TCEANC2: variants seen among roughly 807,000 people sequenced by gnomAD.
TCEANC2 encodes the protein transcription elongation factor A N-terminal and central domain-containing protein 2.
A neutral mutation model predicts 22.8 loss-of-function variants in TCEANC2; 20 were observed. That is an observed-to-expected ratio of 0.88 (90% CI 0.62 to 1.28). The LOEUF (loss-of-function observed/expected upper bound fraction) is 1.28, where lower values mean the gene tolerates loss of function less well. TCEANC2 is among the 50% of genes most tolerant of loss of function. The probability of loss-of-function intolerance (pLI) is 0.00; values close to 1 mark genes in which losing one functional copy is unlikely to be tolerated. For missense variants in TCEANC2, 251 were observed against 249.7 expected (o/e 1.01, Z -0.03); for synonymous variants, 84 against 95.5 (o/e 0.88, Z 0.70).
chr1:54,059,255 C>T (rs745761152), intron 2 of TCEANC2, among the ~76,000 whole-genome samples: 29 of 151,360 alleles, frequency 1.9e-4, no homozygotes, highest in Non-Finnish European at 3.1e-4. Context: ...TGAGTTCAAG[C>T]GATTCTCCTG....
rs1251769403 is a variant in TCEANC2 at position 54,102,708 on chromosome 1, C to T, written c.*6235C>T. 1 of 152,212 alleles carries T rather than the reference C, an allele frequency of 6.6e-6. No homozygotes were observed. The highest frequency in any genetic ancestry group is 1.5e-5 in the Non-Finnish European group (1 of 68,104). The allele number at this position is 152,212 out of a possible 1,614,324, so 9.4% of individuals were successfully genotyped here. A position where few individuals can be genotyped will look rare whatever the true frequency, so the allele number is the denominator to read the frequency against. On this transcript the variant is annotated 3_prime_UTR_variant, in exon 5 of 5. Transcript: ENST00000234827. The stretch of plus-strand genomic sequence containing the variant: ...CACACCTTTGGCTGCCTGGGGAGCT[C>T]TTTATAATATCCAGCTGATAGAAGA...
Position 54,090,172 on chromosome 1 carries a change from C to G in TCEANC2, c.438+1382C>G, listed in dbSNP as rs961892962. On this transcript the variant is annotated intron_variant, in intron 4 of 4. Coordinates refer to ENST00000234827, the MANE Select transcript of TCEANC2 (RefSeq NM_153035.3). The stretch of plus-strand genomic sequence containing the variant: ...TGATGCCAAGTTAAAGCACTGTGTA[C>G]CCATTAAGATATGGCATTATTGAAG... 11 of 331,468 alleles carry G rather than the reference C, an allele frequency of 3.3e-5. No individual in the cohort carries two copies. In the Admixed American group the frequency reaches 4.3e-4, roughly 13 times the overall value. 20.5% of individuals were successfully genotyped at this position (331,468 alleles called of 1,614,324 possible).
chr1:54,066,543 C>G (rs1657958910), intron 2 of TCEANC2, among the ~76,000 whole-genome samples: 1 of 152,032 alleles, frequency 6.6e-6, no homozygotes, highest in South Asian at 2.1e-4. Flanking sequence ...TTCATTGAAA[C>G]AATGTTTGTA....
chr1:54,068,168 G>A (rs1657992096), intron 2 of TCEANC2, among the ~76,000 whole-genome samples: 1 of 152,114 alleles, frequency 6.6e-6, no homozygotes, highest in African/African-American at 2.4e-5. Flanking sequence ...TTGATGCAGG[G>A]TACAAAGGTA....
chr1:54,083,314 A>G (rs570500859), intron 3 of TCEANC2, among the ~76,000 whole-genome samples: 2 of 152,186 alleles, frequency 1.3e-5, no homozygotes, highest in African/African-American at 2.4e-5. Flanking sequence ...TACTCAGGGA[A>G]GGCAAGTGGA....
chr1:54,088,650 G>A lies in TCEANC2; in HGVS notation c.298G>A (p.Ala100Thr). 3.7e-6 allele frequency: 6 copies of A among 1,608,354 alleles called. No individual in the cohort carries two copies. Among genetic ancestry groups the A allele is most frequent in the Non-Finnish European group, 5.1e-6 (6 of 1,178,308 alleles). Reference sequence around the variant, plus strand: ...CTCAGATTCAGAAGTGGCTTCTCTTGCCAGAGAAGTTTACACTGAGTGGAA... The same window carrying A: ...CTCAGATTCAGAAGTGGCTTCTCTTACCAGAGAAGTTTACACTGAGTGGAA... ...KHSDSEVASL[A>T]REVYTEWKTF... is the part of the protein sequence containing the mutation. Residue 100 changes from alanine to threonine, a missense_variant, in exon 4 of 5, where the codon GCC (alanine) becomes ACC (threonine). Physicochemically the swap from Ala to Thr is moderately conservative, Grantham distance 58. Transcript: ENST00000234827.
chr1:54,065,742 C>T (rs1053339181), intron 2 of TCEANC2, among the ~76,000 whole-genome samples: 2 of 150,784 alleles, frequency 1.3e-5, no homozygotes, highest in South Asian at 4.2e-4. Context: ...AGGGTAAACA[C>T]TCAAATCATA....
intron 2 of TCEANC2, among the ~76,000 whole-genome samples, chr1:54,063,887 T>C (rs1643154501): frequency 6.6e-6 from 1 of 152,204 alleles, no homozygotes; most frequent in Admixed American, 6.5e-5. Context: ...TTAAAAATAC[T>C]TTTGACCTAT....
intron 3 of TCEANC2, among the ~76,000 whole-genome samples, chr1:54,078,878 G>A (rs1044901788): frequency 6.6e-6 from 1 of 152,172 alleles, no homozygotes. Context: ...GGCGGTACAT[G>A]GACATGCAGG....
At chr1:54,077,931 A>G (rs1012257691) in intron 3 of TCEANC2, among the ~76,000 whole-genome samples, 1 of 152,132 alleles carries the variant, frequency 6.6e-6, no homozygotes, top group Admixed American at 6.6e-5. Context: ...GAGCTTGTCC[A>G]TGTCTCCAGC....
chr1:54,100,913 C>A lies in TCEANC2; in HGVS notation c.*4440C>A, dbSNP rs1658652344. 1.3e-5 allele frequency: 2 copies of A among 149,150 alleles called. No homozygotes were observed. The highest frequency in any genetic ancestry group is 3.0e-5 in the Non-Finnish European group (2 of 67,472). The allele number at this position is 149,150 out of a possible 1,614,324, so 9.2% of individuals were successfully genotyped here. On this transcript the variant is annotated 3_prime_UTR_variant, in exon 5 of 5. Coordinates refer to ENST00000234827, the MANE Select transcript of TCEANC2 (RefSeq NM_153035.3). ...TTTTAAACATTCAAAAGAAACCCAA[C>A]AATTTAAGGCAAAGGAAAGAAACAC...
rs1658654546 is a variant in TCEANC2, at chr1:54,101,072, G to T, written c.*4599G>T. ...GATAATGCATTTACTGTGTTCTGTG[G>T]TGAAGGAACAGGTAGCTGGCCTTTT... On this transcript the variant is annotated 3_prime_UTR_variant, in exon 5 of 5. Coordinates refer to ENST00000234827, the MANE Select transcript of TCEANC2 (RefSeq NM_153035.3). 1.3e-5 allele frequency: 2 copies of T among 152,144 alleles called. No individual in the cohort carries two copies. The highest frequency in any genetic ancestry group is 6.5e-5 in the Admixed American group (1 of 15,276). The allele number at this position is 152,144 out of a possible 1,614,324, so 9.4% of individuals were successfully genotyped here.
chr1:54,088,595 A>G lies in TCEANC2; in HGVS notation c.245-2A>G, dbSNP rs139735908. 20 of 1,595,330 alleles carry G rather than the reference A, an allele frequency of 1.3e-5. No individual in the cohort carries two copies. The highest frequency in any genetic ancestry group is 1.6e-5 in the Non-Finnish European group (19 of 1,174,094). On this transcript the variant is annotated splice_acceptor_variant, in intron 3 of 4. Transcript: ENST00000234827. LOFTEE classifies it high-confidence loss of function. ...CCTTTGGTTTTTCTCTTCCTGTTCC[A>G]GGTCACACTGTGAACAAGATGCGTA...
chr1:54,060,675 C>T (rs892982995), intron 2 of TCEANC2, among the ~76,000 whole-genome samples: 8 of 151,982 alleles, frequency 5.3e-5, no homozygotes, highest in Non-Finnish European at 1.0e-4. Context: ...CGTGGTGGCT[C>T]ACACCTGTAA....
At chr1:54,056,999 A>G (rs1657763779) in intron 2 of TCEANC2, among the ~76,000 whole-genome samples, 1 of 151,662 alleles carries the variant, frequency 6.6e-6, no homozygotes, top group Admixed American at 6.6e-5. Context: ...CCAGGATGGT[A>G]CCACTGCACT....
intron 3 of TCEANC2, among the ~76,000 whole-genome samples, chr1:54,070,941 G>A (rs1658044465): frequency 6.6e-6 from 1 of 152,180 alleles, no homozygotes; most frequent in Non-Finnish European, 1.5e-5. Context: ...GGAGAAGTTA[G>A]CAAAATGACT....
intron 3 of TCEANC2, among the ~76,000 whole-genome samples, chr1:54,084,241 G>A (rs900720388): frequency 6.6e-6 from 1 of 152,058 alleles, no homozygotes; most frequent in African/African-American, 2.4e-5. Flanking sequence ...TCAAACTCCT[G>A]GCCTCCAGGG....
At chr1:54,090,113 G>T (rs187442777) in intron 4 of TCEANC2, 38 of 543,802 alleles carry the variant, frequency 7.0e-5, no homozygotes, top group Middle Eastern at 5.6e-4. Flanking sequence ...TCCAGCTGGT[G>T]TAATAATGAA....
chr1:54,068,399 C>T (rs2100362255), intron 2 of TCEANC2, among the ~76,000 whole-genome samples: 1 of 152,328 alleles, frequency 6.6e-6, no homozygotes, highest in South Asian at 2.1e-4. Context: ...TCCCTGCTCG[C>T]TGTTCTTGCC....
Sources: allele counts gnomAD v4.1 joint callset (sites outside exome capture counted in the v4.1 genomes callset), GRCh38; gene constraint gnomAD v4.1.1; transcripts MANE v1.5; gene names NCBI Gene and HGNC (gene_info 2026-07-23, HGNC 2026-07-21).